Variants in LRRC49 observed in about 807,000 individuals in gnomAD.
LRRC49 encodes leucine rich repeat containing 49.
In LRRC49, 50 loss-of-function variants were observed where a neutral mutation model predicts 83.3. The ratio of observed to expected loss-of-function variants is 0.60; its 90% CI spans 0.48 to 0.76. LRRC49 has a LOEUF of 0.76. Ranked by LOEUF, LRRC49 falls within the 30% of genes least tolerant of loss-of-function variation. LRRC49 has a pLI of 0.00. For synonymous variants in LRRC49, 286 were observed against 283.3 expected (o/e 1.01, Z -0.10); for missense variants, 704 against 809.1 (o/e 0.87, Z 1.58).
intron 1 of LRRC49, among the ~76,000 whole-genome samples, chr15:70,864,237 C>G (rs1005251830): frequency 6.6e-6 from 1 of 152,242 alleles, no homozygotes; most frequent in South Asian, 2.1e-4. Flanking sequence ...GAGCTCCCCC[C>G]AGAATGGGTG....
chr15:70,986,209 A>G (rs1038759609), intron 11 of LRRC49, among the ~76,000 whole-genome samples: 2 of 152,010 alleles, frequency 1.3e-5, no homozygotes, highest in Non-Finnish European at 2.9e-5. Context: ...CATTGAATCT[A>G]TAAATTACCT....
chr15:70,892,228 C>G (rs1288272629), upstream of LRRC49: 1 of 1,593,402 alleles, frequency 6.3e-7, no homozygotes, highest in Non-Finnish European at 8.6e-7. Context: ...ACTTCCCAGA[C>G]TTGGTGGTGT....
chr15:70,869,148 T>C (rs1466058305), intron 1 of LRRC49, among the ~76,000 whole-genome samples: 1 of 152,228 alleles, frequency 6.6e-6, no homozygotes, highest in Non-Finnish European at 1.5e-5. Context: ...TGATAGATTA[T>C]TATAATACAT....
chr15:70,967,535 A>G (rs1294101712), intron 9 of LRRC49, among the ~76,000 whole-genome samples: 3 of 152,110 alleles, frequency 2.0e-5, no homozygotes, highest in Non-Finnish European at 4.4e-5. Context: ...TTTCTTCAGA[A>G]GAAGGGGTTT....
At chr15:71,046,044 G>A (rs1189559688) in intron 15 of LRRC49, among the ~76,000 whole-genome samples, 1 of 152,144 alleles carries the variant, frequency 6.6e-6, no homozygotes, top group Non-Finnish European at 1.5e-5. Flanking sequence ...TTATGGCTAT[G>A]TAGTTACTAT....
chr15:70,967,298 T>C (rs1172752454), intron 9 of LRRC49, among the ~76,000 whole-genome samples: 2 of 152,102 alleles, frequency 1.3e-5, no homozygotes, highest in Admixed American at 1.3e-4. Flanking sequence ...TTGGACATAA[T>C]AGGAGAAACC....
At chr15:70,903,851 ACTG>A (rs1194365246) in intron 4 of LRRC49, among the ~76,000 whole-genome samples, 9 of 152,166 alleles carry the variant, frequency 5.9e-5, no homozygotes, top group Non-Finnish European at 2.9e-5. Flanking sequence ...ATAGAGGCTT[ACTG>A]TTTTAAATAT....
At chr15:70,948,517 C>T (rs1382292215) in intron 8 of LRRC49, among the ~76,000 whole-genome samples, 1 of 133,924 alleles carries the variant, frequency 7.5e-6, no homozygotes, top group Non-Finnish European at 1.6e-5. Context: ...TTTTTGCATA[C>T]AGGGAACAAA....
chr15:71,045,788 A>G (rs1414021317), intron 15 of LRRC49, among the ~76,000 whole-genome samples: 1 of 152,126 alleles, frequency 6.6e-6, no homozygotes, highest in Non-Finnish European at 1.5e-5. Context: ...GGTTTGGAGT[A>G]TGGATCCTGT....
At chr15:70,952,402 T>A (rs2036251694) in intron 8 of LRRC49, among the ~76,000 whole-genome samples, 1 of 152,128 alleles carries the variant, frequency 6.6e-6, no homozygotes, top group East Asian at 1.9e-4. Context: ...GGGCTTTTTT[T>A]GGTTGGTAGA....
chr15:70,873,139 C>G, exon 2 of LRRC49: 1 of 1,365,330 alleles, frequency 7.3e-7, no homozygotes, highest in South Asian at 1.2e-5. Flanking sequence ...CCCGCCTTGG[C>G]CTCCCAAAGT....
At chr15:71,001,698 T>A (rs1354743403) in intron 11 of LRRC49, among the ~76,000 whole-genome samples, 2 of 152,202 alleles carry the variant, frequency 1.3e-5, no homozygotes, top group African/African-American at 4.8e-5. Flanking sequence ...TCTGCTATTT[T>A]TTTTTTTGTG....
chr15:70,978,633 C>A (rs1186202252), intron 9 of LRRC49, among the ~76,000 whole-genome samples: 1 of 152,134 alleles, frequency 6.6e-6, no homozygotes, highest in Non-Finnish European at 1.5e-5. Context: ...GGGCAGTTTG[C>A]AGACATATCA....
At chr15:70,888,161 C>T (rs948719531), upstream of LRRC49, among the ~76,000 whole-genome samples, 5 of 152,056 alleles carry the variant, frequency 3.3e-5, no homozygotes, top group Non-Finnish European at 7.4e-5. Context: ...TCGTGAGTAA[C>T]TTGTGAAAAT....
chr15:70,862,188 A>G (rs551715243), intron 1 of LRRC49, among the ~76,000 whole-genome samples: 47 of 152,322 alleles, frequency 3.1e-4, no homozygotes, highest in Middle Eastern at 6.8e-3. Context: ...ACAGCAGTCA[A>G]TGCTTCTCCC....
chr15:70,964,919 C>T (rs1420455997), intron 9 of LRRC49, among the ~76,000 whole-genome samples: 10 of 152,072 alleles, frequency 6.6e-5, no homozygotes, highest in African/African-American at 1.2e-4. Context: ...TTCATTTATG[C>T]GTTGGCAATA....
intron 1 of LRRC49, chr15:70,860,302 T>G (rs1595964238): frequency 3.8e-6 from 2 of 525,656 alleles, no homozygotes; most frequent in East Asian, 6.6e-5. Flanking sequence ...CGCGGGGGAG[T>G]TTACTGCCTG....
chr15:70,949,544 T>C (rs2036139496), intron 8 of LRRC49, among the ~76,000 whole-genome samples: 1 of 152,184 alleles, frequency 6.6e-6, no homozygotes, highest in South Asian at 2.1e-4. Context: ...CATATCTTTA[T>C]GGGATTCCTT....
At chr15:71,037,399 G>T (rs1194319216) in intron 15 of LRRC49, 67 bp downstream of exon 15, 8 of 1,330,614 alleles carry the variant, frequency 6.0e-6, no homozygotes, top group African/African-American at 1.5e-5. Context: ...GAATTTGGGG[G>T]TTGTACATTT....
Sources: allele counts gnomAD v4.1 joint callset (sites outside exome capture counted in the v4.1 genomes callset), GRCh38; gene constraint gnomAD v4.1.1; transcripts MANE v1.5; gene names NCBI Gene and HGNC (gene_info 2026-07-23, HGNC 2026-07-21).